The following TMEM47 variants were observed in gnomAD, a reference collection of about 807,000 sequenced individuals.
TMEM47 encodes brain cell membrane protein 1.
In TMEM47, 3 loss-of-function variants were observed where a neutral mutation model predicts 12.4. The observed-to-expected ratio is 0.24, with a 90% CI of 0.11 to 0.63. TMEM47 has a LOEUF of 0.63. Ranked by LOEUF, TMEM47 falls within the 20% of genes least tolerant of loss-of-function variation. The probability of loss-of-function intolerance (pLI) is 0.86; values close to 1 mark genes in which losing one functional copy is unlikely to be tolerated. For synonymous variants in TMEM47, 62 were observed against 63.3 expected (o/e 0.98, Z 0.10); for missense variants, 89 against 143.8 (o/e 0.62, Z 1.95).
rs1274195679 is a variant in TMEM47 at position 34,656,870 on chromosome X, A to G, written c.160T>C (p.Leu54=). The part of the protein sequence containing the change: ...VTADHQYYLS[L]WESCRKPASL... ...GCGGGTTTCCGGCAGGACTCCCACAACGACAGGTAGTACTGGTGGTCAGCT... is the reference window on the plus strand; with the variant it reads ...GCGGGTTTCCGGCAGGACTCCCACAGCGACAGGTAGTACTGGTGGTCAGCT... The change falls in exon 1 of 3, where the codon TTG becomes CTG. Residue 54 remains leucine (L), a synonymous_variant. Coordinates refer to ENST00000275954, the MANE Select transcript of TMEM47 (RefSeq NM_031442.4). 13 of 1,174,314 alleles carry G rather than the reference A, an allele frequency of 1.1e-5. No individual in the cohort carries two copies. Among genetic ancestry groups the G allele is most frequent in the South Asian group, 1.9e-5 (1 of 53,090 alleles).
chrX:34,630,401 T>C lies in TMEM47; in HGVS notation c.458A>G (p.Tyr153Cys). Residue 153 changes from tyrosine to cysteine, a missense_variant, in exon 3 of 3, where the codon TAT becomes TGT. Transcript: ENST00000275954. ...LKIYHEFNWG[Y>C]GLAWGATIFS... ...TATAGTTGCACCCCAGGCCAGGCCA[T>C]AACCCCAGTTGAACTCATGGTAAAT... 2 of 1,210,561 alleles carry C rather than the reference T, an allele frequency of 1.7e-6. No individual in the cohort carries two copies. The highest frequency in any genetic ancestry group is 3.5e-5 in the African/African-American group (2 of 57,758).
At chrX:34,653,860 A>G (rs1165948573) in intron 1 of TMEM47, among the ~76,000 whole-genome samples, 1 of 108,255 alleles carries the variant, frequency 9.2e-6, no homozygotes, top group Non-Finnish European at 1.9e-5. Flanking sequence ...AGCACACTTT[A>G]TTTTTTTTTT....
At chrX:34,641,657 T>G (rs1380089341) in intron 1 of TMEM47, among the ~76,000 whole-genome samples, 5 of 111,739 alleles carry the variant, frequency 4.5e-5, no homozygotes, top group Admixed American at 3.8e-4. Flanking sequence ...CTCAAAAAAA[T>G]AGCTAAAATA....
intron 1 of TMEM47, among the ~76,000 whole-genome samples, chrX:34,646,773 A>ACAGC (rs1255185663): frequency 9.0e-6 from 1 of 111,049 alleles, no homozygotes; most frequent in Admixed American, 9.6e-5. Flanking sequence ...AGAAAGCCAG[A>ACAGC]CAGCCACCCA....
chrX:34,642,828 C>A (rs1294764010), intron 1 of TMEM47, among the ~76,000 whole-genome samples: 1 of 112,397 alleles, frequency 8.9e-6, no homozygotes, highest in Admixed American at 9.4e-5. Context: ...ATTATTGAGA[C>A]TATATCCCTG....
At chrX:34,647,008 A>T (rs750505759) in intron 1 of TMEM47, among the ~76,000 whole-genome samples, 4 of 111,658 alleles carry the variant, frequency 3.6e-5, no homozygotes, top group African/African-American at 9.7e-5. Flanking sequence ...TGGAACACAG[A>T]CTAACTGGCT....
intron 2 of TMEM47, among the ~76,000 whole-genome samples, chrX:34,638,440 A>G (rs1454035374): frequency 1.8e-5 from 2 of 111,579 alleles, no homozygotes; most frequent in Non-Finnish European, 3.8e-5. Context: ...CAATCTTGAA[A>G]CAGCTTTTAA....
chrX:34,657,069 A>G lies in TMEM47; in HGVS notation c.-40T>C, dbSNP rs1816111491. On this transcript the variant is annotated 5_prime_UTR_variant, in exon 1 of 3. Coordinates refer to ENST00000275954, the MANE Select transcript of TMEM47 (RefSeq NM_031442.4). ...GTCGTCCGCCCCGCCGCAGGCGAGG[A>G]CGCCAGGCGGGTCCGGAGAGCCGGG... 5 of 1,107,555 alleles carry G rather than the reference A, an allele frequency of 4.5e-6. No individual in the cohort carries two copies. The highest frequency in any genetic ancestry group is 4.7e-6 in the Non-Finnish European group (4 of 844,551). The allele number at this position is 1,107,555 out of a possible 1,213,427, so 91.3% of individuals were successfully genotyped here.
intron 1 of TMEM47, among the ~76,000 whole-genome samples, chrX:34,642,055 C>A (rs965161512): frequency 8.9e-6 from 1 of 111,885 alleles, no homozygotes; most frequent in Non-Finnish European, 1.9e-5. Flanking sequence ...CTGGGTTTCA[C>A]CATGTTGGCC....
intron 2 of TMEM47, among the ~76,000 whole-genome samples, chrX:34,631,170 CAAAAAAAAAAAAAAAAAA>C (rs34845525): frequency 1.6e-4 from 3 of 18,565 alleles, no homozygotes; most frequent in African/African-American, 3.2e-4. Flanking sequence ...GACTCTGTCT[CAAAAAAAAAAAAAAAAAA>C]AAAAAAAAAA....
intron 1 of TMEM47, among the ~76,000 whole-genome samples, chrX:34,649,743 T>G (rs917060471): frequency 1.8e-5 from 2 of 111,988 alleles, no homozygotes; most frequent in Non-Finnish European, 3.8e-5. Context: ...AAATTTATTT[T>G]GATACGGAGT....
At chrX:34,651,213 G>A (rs533973939) in intron 1 of TMEM47, among the ~76,000 whole-genome samples, 81 of 111,968 alleles carry the variant, frequency 7.2e-4, no homozygotes, top group African/African-American at 2.6e-3. Context: ...AACTGAATGT[G>A]GTAGAAGACA....
chrX:34,638,507 G>T (rs1921756782), intron 2 of TMEM47, among the ~76,000 whole-genome samples: 1 of 112,104 alleles, frequency 8.9e-6, no homozygotes, highest in Non-Finnish European at 1.9e-5. Context: ...GATAGTCACA[G>T]AAGCTTACTT....
chrX:34,633,927 G>T (rs184823734), intron 2 of TMEM47, among the ~76,000 whole-genome samples: 7 of 111,034 alleles, frequency 6.3e-5, no homozygotes, highest in Admixed American at 4.8e-4. Context: ...ACTCCCTTTG[G>T]AATCACAGAG....
chrX:34,632,447 A>C (rs773783119), intron 2 of TMEM47, among the ~76,000 whole-genome samples: 2 of 111,965 alleles, frequency 1.8e-5, no homozygotes, highest in African/African-American at 6.5e-5. Flanking sequence ...GAAAGTCTAC[A>C]TAACAGTCAT....
At position 34,631,170 on chromosome X, in the gene TMEM47, C is replaced by CAAA. The variant is rs34845525; in HGVS notation, c.368-682_368-680dup. ...TGGGCGACAGAGCCAGACTCTGTCT[C>CAAA]AAAAAAAAAAAAAAAAAAAAAAAAA... On this transcript the variant is annotated intron_variant, in intron 2 of 2. Transcript: ENST00000275954. 8.5e-3 allele frequency among the ~76,000 whole-genome samples: 158 copies of CAAA among 18,587 alleles called. 9 individuals are homozygous for CAAA. The highest frequency in any genetic ancestry group is 0.031 in the African/African-American group (97 of 3,138). 16.1% of individuals were successfully genotyped at this position (18,587 alleles called of 115,157 possible). A position where few individuals can be genotyped will look rare whatever the true frequency, so the allele number is the denominator to read the frequency against.
chrX:34,639,896 A>G (rs778134308), intron 1 of TMEM47, among the ~76,000 whole-genome samples: 1 of 111,652 alleles, frequency 9.0e-6, no homozygotes, highest in Admixed American at 9.5e-5. Flanking sequence ...CCACAGATTG[A>G]GTTCTGCCTT....
chrX:34,636,567 C>T (rs1921720276), intron 2 of TMEM47, among the ~76,000 whole-genome samples: 1 of 111,877 alleles, frequency 8.9e-6, no homozygotes, highest in South Asian at 3.7e-4. Context: ...GGCAGTCCCT[C>T]TAATTTCACC....
Position 34,636,478 on chromosome X carries a change from A to T in TMEM47, c.367+2769T>A, listed in dbSNP as rs180705978. On this transcript the variant is annotated intron_variant, in intron 2 of 2. Transcript: ENST00000275954. ...GGCCTTGGAAAGAAAGAAAACACTC[A>T]TCCTATATTCCTGTGGGACATACAA... Among the ~76,000 whole-genome samples, 385 of 112,253 alleles carry T rather than the reference A, an allele frequency of 3.4e-3. 1 individual carries two copies. Among genetic ancestry groups the T allele is most frequent in the African/African-American group, 0.012 (371 of 30,950 alleles).
Sources: allele counts gnomAD v4.1 joint callset (sites outside exome capture counted in the v4.1 genomes callset), GRCh38; gene constraint gnomAD v4.1.1; transcripts MANE v1.5; gene names NCBI Gene and HGNC (gene_info 2026-07-23, HGNC 2026-07-21).